CFAP144: variants seen among roughly 807,000 people sequenced by gnomAD.
CFAP144 encodes cilia- and flagella-associated protein 144.
the CFAP144 span, among the ~76,000 whole-genome samples, chr1:43,155,854 G>T: frequency 6.6e-5 from 10 of 152,350 alleles, no homozygotes; most frequent in East Asian, 1.9e-3. Context: ...ACTTCTATAA[G>T]ATCGATGTGT....
the CFAP144 span, chr1:43,145,319 T>C: frequency 3.1e-4 from 470 of 1,536,474 alleles, 1 homozygote; most frequent in African/African-American, 6.0e-3. Flanking sequence ...CGATCTGCCC[T>C]GCATTCAAGT....
chr1:43,150,647 T>C, the CFAP144 span: 1 of 841,682 alleles, frequency 1.2e-6, no homozygotes, highest in Non-Finnish European at 2.0e-6. Context: ...ATACCTGGCA[T>C]GTACCAGATA....
At chr1:43,147,739 G>T in the CFAP144 span, 3,290 of 1,417,812 alleles carry the variant, frequency 2.3e-3, 59 homozygotes, top group African/African-American at 0.043. Context: ...AGAATAGGGC[G>T]GGGCGCGAAA....
At chr1:43,150,651 C>A in the CFAP144 span, 1 of 887,352 alleles carries the variant, frequency 1.1e-6, no homozygotes, top group Non-Finnish European at 1.8e-6. Flanking sequence ...CTGGCATGTA[C>A]CAGATACTCA....
the CFAP144 span, chr1:43,147,762 C>A: frequency 4.8e-6 from 7 of 1,444,106 alleles, no homozygotes; most frequent in South Asian, 8.9e-5. Context: ...AGATCCCGAC[C>A]GGCGGGCGCG....
the CFAP144 span, among the ~76,000 whole-genome samples, chr1:43,151,438 A>G: frequency 6.6e-6 from 1 of 152,250 alleles, no homozygotes; most frequent in Non-Finnish European, 1.5e-5. Context: ...AAGAGGGACC[A>G]TGACTGATGT....
chr1:43,152,468 T>C, the CFAP144 span, among the ~76,000 whole-genome samples: 2 of 152,166 alleles, frequency 1.3e-5, no homozygotes, highest in Admixed American at 1.3e-4. Context: ...CACATGACCC[T>C]TCACCTATTC....
At chr1:43,147,719 G>A in the CFAP144 span, 1 of 1,356,472 alleles carries the variant, frequency 7.4e-7, no homozygotes, top group Non-Finnish European at 9.6e-7. Context: ...GGGCAAGTGA[G>A]TACAGTGCCA....
At chr1:43,147,939 G>A in the CFAP144 span, 1 of 1,613,576 alleles carries the variant, frequency 6.2e-7, no homozygotes, top group Non-Finnish European at 8.5e-7. Context: ...AGGGCGCGTG[G>A]CAGCCCAAGG....
At chr1:43,153,616 A>G in the CFAP144 span, among the ~76,000 whole-genome samples, 1 of 151,894 alleles carries the variant, frequency 6.6e-6, no homozygotes, top group East Asian at 1.9e-4. Context: ...CTTAAAAAAA[A>G]TATTAATTTT....
At chr1:43,152,798 C>A in the CFAP144 span, 2 of 1,572,906 alleles carry the variant, frequency 1.3e-6, no homozygotes, top group Non-Finnish European at 8.7e-7. Context: ...CAAAGCCTGA[C>A]TCCTTCATAA....
At chr1:43,153,606 C>T in the CFAP144 span, among the ~76,000 whole-genome samples, 1 of 150,612 alleles carries the variant, frequency 6.6e-6, no homozygotes, top group African/African-American at 2.4e-5. Flanking sequence ...GAGACTCTGT[C>T]TTAAAAAAAA....
chr1:43,153,892 A>G, the CFAP144 span, among the ~76,000 whole-genome samples: 1 of 150,482 alleles, frequency 6.6e-6, no homozygotes, highest in Non-Finnish European at 1.5e-5. Context: ...TTGGTCATGC[A>G]GAAGGTTTTC....
the CFAP144 span, among the ~76,000 whole-genome samples, chr1:43,143,166 T>C: frequency 2.0e-5 from 3 of 152,122 alleles, no homozygotes; most frequent in Non-Finnish European, 4.4e-5. Context: ...AGAGGAATAA[T>C]GGTTTGAAAG....
chr1:43,156,193 T>C, the CFAP144 span: 2 of 1,612,286 alleles, frequency 1.2e-6, no homozygotes, highest in African/African-American at 2.7e-5. Context: ...TGATTCTGCA[T>C]CCTCCTTTCT....
the CFAP144 span, chr1:43,147,740 G>A: frequency 7.0e-7 from 1 of 1,420,514 alleles, no homozygotes; most frequent in Non-Finnish European, 9.2e-7. Flanking sequence ...GAATAGGGCG[G>A]GGCGCGAAAT....
At chr1:43,145,360 C>A in the CFAP144 span, 1 of 1,222,072 alleles carries the variant, frequency 8.2e-7, no homozygotes, top group Non-Finnish European at 1.2e-6. Context: ...ACACATAGGG[C>A]ACAAGGTCCC....
At chr1:43,147,824 G>T in the CFAP144 span, 2 of 1,514,154 alleles carry the variant, frequency 1.3e-6, no homozygotes, top group South Asian at 1.3e-5. Flanking sequence ...GACCCGCCCC[G>T]ACCGGGCAGC....
At chr1:43,152,989 G>A in the CFAP144 span, 1 of 1,561,248 alleles carries the variant, frequency 6.4e-7, no homozygotes. Flanking sequence ...TGTAAGTGGT[G>A]ACCGTAGAAT....
Sources: gnomAD v4.1 joint callset for allele counts (sites outside exome capture counted in the v4.1 genomes callset) on GRCh38, gnomAD v4.1.1 for gene constraint, MANE v1.5 for transcripts, NCBI Gene and HGNC (gene_info 2026-07-23, HGNC 2026-07-21) for gene names.